Variants in EXOC4 observed in about 807,000 individuals in gnomAD.
The protein encoded by EXOC4 is exocyst complex component 4.
EXOC4 carries 71 observed loss-of-function variants against 107.2 expected under a neutral mutation model. That is an observed-to-expected ratio of 0.66 (90% CI 0.55 to 0.81). EXOC4 has a LOEUF of 0.81. Among genes scored for constraint, EXOC4 ranks in the 30% least tolerant of loss-of-function variants. The probability of loss-of-function intolerance (pLI) is 0.00; values close to 1 mark genes in which losing one functional copy is unlikely to be tolerated. For synonymous variants in EXOC4, 456 were observed against 441.2 expected (o/e 1.03, Z -0.42); for missense variants, 1,108 against 1,189.6 (o/e 0.93, Z 1.01).
chr7:133,658,261 G>C (rs368563096), intron 10 of EXOC4, among the ~76,000 whole-genome samples: 1 of 152,132 alleles, frequency 6.6e-6, no homozygotes. Flanking sequence ...GTATGAACTT[G>C]TTTCTCCATT....
At chr7:133,488,801 G>A (rs1799317497) in intron 9 of EXOC4, among the ~76,000 whole-genome samples, 2 of 151,834 alleles carry the variant, frequency 1.3e-5, no homozygotes. Flanking sequence ...ATACTATGTA[G>A]CAATGAAAAT....
intron 10 of EXOC4, among the ~76,000 whole-genome samples, chr7:133,730,194 C>A (rs1185137859): frequency 6.8e-6 from 1 of 147,848 alleles, no homozygotes; most frequent in Admixed American, 6.8e-5. Flanking sequence ...GCTAAAACAG[C>A]TTCTTAGTGA....
At chr7:133,962,872 G>T (rs541380973) in intron 14 of EXOC4, among the ~76,000 whole-genome samples, 1 of 152,204 alleles carries the variant, frequency 6.6e-6, no homozygotes, top group Non-Finnish European at 1.5e-5. Context: ...AAAGGGCTAC[G>T]TTAATTCCAC....
chr7:133,472,476 C>G (rs1798902989), intron 7 of EXOC4, among the ~76,000 whole-genome samples: 1 of 151,986 alleles, frequency 6.6e-6, no homozygotes, highest in Non-Finnish European at 1.5e-5. Flanking sequence ...AAACTACCAA[C>G]AAACAAAAAG....
At chr7:133,356,967 G>A (rs898742622) in intron 6 of EXOC4, among the ~76,000 whole-genome samples, 1 of 152,136 alleles carries the variant, frequency 6.6e-6, no homozygotes, top group East Asian at 1.9e-4. Flanking sequence ...GTGACAGAGC[G>A]AGACTCCGTC....
chr7:133,256,103 TC>T (rs1321810146), intron 1 of EXOC4, among the ~76,000 whole-genome samples: 1 of 151,902 alleles, frequency 6.6e-6, no homozygotes, highest in Admixed American at 6.6e-5. Context: ...TGCCTCAACC[TC>T]CCGAGTAGCT....
intron 9 of EXOC4, among the ~76,000 whole-genome samples, chr7:133,593,455 T>G (rs777336761): frequency 1.1e-4 from 16 of 152,324 alleles, no homozygotes; most frequent in Admixed American, 3.3e-4. Context: ...TCTTGCTCCC[T>G]GAATCACTAA....
chr7:134,058,423 A>G (rs1795979776), intron 17 of EXOC4, among the ~76,000 whole-genome samples: 3 of 152,240 alleles, frequency 2.0e-5, no homozygotes, highest in Non-Finnish European at 4.4e-5. Flanking sequence ...TTGGAAAGAA[A>G]GGTTACTTCA....
intron 5 of EXOC4, among the ~76,000 whole-genome samples, chr7:133,342,717 T>C (rs1795692399): frequency 6.6e-6 from 1 of 152,186 alleles, no homozygotes; most frequent in Non-Finnish European, 1.5e-5. Flanking sequence ...TTGTTCATTT[T>C]TTTTTTTGAT....
chr7:133,324,644 T>C (rs1294407644), intron 5 of EXOC4, among the ~76,000 whole-genome samples: 2 of 152,202 alleles, frequency 1.3e-5, no homozygotes, highest in African/African-American at 4.8e-5. Context: ...GGGGTCAATT[T>C]TGGAATAAGT....
chr7:134,093,840 AAATC>A, the EXOC4 span, among the ~76,000 whole-genome samples: 1 of 152,254 alleles, frequency 6.6e-6, no homozygotes, highest in Non-Finnish European at 1.5e-5. Context: ...GTAAACAACA[AAATC>A]AAGACAGAAA....
At chr7:133,335,147 A>G (rs1795482581) in intron 5 of EXOC4, among the ~76,000 whole-genome samples, 2 of 152,254 alleles carry the variant, frequency 1.3e-5, no homozygotes, top group African/African-American at 4.8e-5. Flanking sequence ...GGATAGCTCA[A>G]TCAAAAGGTA....
chr7:133,773,966 T>C (rs973742183), intron 10 of EXOC4, among the ~76,000 whole-genome samples: 1 of 152,112 alleles, frequency 6.6e-6, no homozygotes, highest in African/African-American at 2.4e-5. Context: ...GGCCGTTCTT[T>C]CTTACATCTG....
intron 9 of EXOC4, among the ~76,000 whole-genome samples, chr7:133,609,481 G>A (rs1455585391): frequency 6.6e-6 from 1 of 152,092 alleles, no homozygotes; most frequent in Non-Finnish European, 1.5e-5. Flanking sequence ...CTCTTCTCTC[G>A]ATTGTGTGAT....
At chr7:133,541,931 G>C (rs1009909491) in intron 9 of EXOC4, among the ~76,000 whole-genome samples, 2 of 152,130 alleles carry the variant, frequency 1.3e-5, no homozygotes, top group African/African-American at 4.8e-5. Context: ...TTCCAGCAGA[G>C]GCTGAAGTCC....
At chr7:133,875,871 T>G (rs1798837610) in intron 11 of EXOC4, among the ~76,000 whole-genome samples, 1 of 152,186 alleles carries the variant, frequency 6.6e-6, no homozygotes, top group African/African-American at 2.4e-5. Context: ...CTGAAAAGAT[T>G]GAAGTTACTG....
the EXOC4 span, among the ~76,000 whole-genome samples, chr7:134,075,794 C>T: frequency 1.3e-5 from 2 of 152,108 alleles, no homozygotes; most frequent in African/African-American, 4.8e-5. Context: ...CATTTAATTA[C>T]CTGTGTGAAA....
chr7:133,744,363 T>C (rs1795631336), intron 10 of EXOC4, among the ~76,000 whole-genome samples: 1 of 152,094 alleles, frequency 6.6e-6, no homozygotes, highest in Non-Finnish European at 1.5e-5. Flanking sequence ...AAGTGAGTAA[T>C]AGAGCCAGGA....
chr7:134,049,412 C>A (rs1320964659), intron 17 of EXOC4, among the ~76,000 whole-genome samples: 1 of 152,218 alleles, frequency 6.6e-6, no homozygotes, highest in Non-Finnish European at 1.5e-5. Flanking sequence ...CTTCCCCACA[C>A]CCCATGCACT....
Sources: gnomAD v4.1 joint callset for allele counts (sites outside exome capture counted in the v4.1 genomes callset) on GRCh38, gnomAD v4.1.1 for gene constraint, MANE v1.5 for transcripts, NCBI Gene and HGNC (gene_info 2026-07-23, HGNC 2026-07-21) for gene names.